PTPN4: variants seen among roughly 807,000 people sequenced by gnomAD.
PTPN4 encodes the protein tyrosine-protein phosphatase non-receptor type 4.
In PTPN4, 49 loss-of-function variants were observed where a neutral mutation model predicts 135.5. The observed-to-expected ratio is 0.36, with a 90% CI of 0.29 to 0.46. The LOEUF (loss-of-function observed/expected upper bound fraction) is 0.46. PTPN4 is among the 20% of genes least tolerant of loss of function. The probability of loss-of-function intolerance (pLI) is 1.00; values close to 1 mark genes in which losing one functional copy is unlikely to be tolerated. For synonymous variants in PTPN4, 333 were observed against 369.9 expected (o/e 0.90, Z 1.14); for missense variants, 860 against 1,101.0 (o/e 0.78, Z 3.10).
intron 26 of PTPN4, among the ~76,000 whole-genome samples, chr2:119,976,379 C>T (rs1047323543): frequency 6.6e-6 from 1 of 151,774 alleles, no homozygotes; most frequent in African/African-American, 2.4e-5. Flanking sequence ...TATTTTCTTC[C>T]CTTTCTTTTA....
intron 11 of PTPN4, 48 bp from the exon 12 acceptor site, chr2:119,920,016 CATTAG>C (rs1678714185): frequency 6.5e-7 from 1 of 1,547,078 alleles, no homozygotes; most frequent in African/African-American, 1.4e-5. Context: ...TTAAATGGAG[CATTAG>C]ATCCTGACAT....
chr2:119,782,430 G>GA (rs200162890), intron 1 of PTPN4, among the ~76,000 whole-genome samples: 23 of 150,700 alleles, frequency 1.5e-4, no homozygotes, highest in Non-Finnish European at 2.8e-4. Context: ...AAAACGAAAA[G>GA]AAAAAAAAAT....
At position 119,887,789 on chromosome 2, in the gene PTPN4, A is replaced by G. The variant is rs1678181173; in HGVS notation, c.675+1907A>G. The stretch of plus-strand genomic sequence containing the variant: ...GTTTTGGTTACTGTAGCCTTGTAAT[A>G]TATTTTGACATCAGGTAATTTGATG... On this transcript the variant is annotated intron_variant, in intron 9 of 26. Coordinates refer to ENST00000263708, the MANE Select transcript of PTPN4 (RefSeq NM_002830.4). Among the ~76,000 whole-genome samples, 3 of 152,074 alleles carry G rather than the reference A, an allele frequency of 2.0e-5. No homozygotes were observed. In the South Asian group the frequency reaches 6.2e-4, roughly 32 times the overall value.
chr2:119,935,232 G>T, intron 15 of PTPN4: 1 of 319,754 alleles, frequency 3.1e-6, no homozygotes, highest in Non-Finnish European at 5.6e-6. Flanking sequence ...GTAGCACTCT[G>T]GTCAAGGAGG....
intron 13 of PTPN4, among the ~76,000 whole-genome samples, chr2:119,928,400 C>T (rs1013567272): frequency 2.0e-5 from 3 of 152,054 alleles, no homozygotes; most frequent in African/African-American, 4.8e-5. Context: ...TAGTTTATTA[C>T]ATTATGAATT....
At chr2:119,845,208 GCT>G (rs1277277272) in intron 2 of PTPN4, among the ~76,000 whole-genome samples, 1 of 137,454 alleles carries the variant, frequency 7.3e-6, no homozygotes, top group Non-Finnish European at 1.6e-5. Flanking sequence ...TCCAGCTTCG[GCT>G]CCGCATGAGA....
chr2:119,894,677 T>C (rs1678291571), intron 9 of PTPN4, among the ~76,000 whole-genome samples: 1 of 152,152 alleles, frequency 6.6e-6, no homozygotes, highest in African/African-American at 2.4e-5. Flanking sequence ...TTTCAACATA[T>C]GTTACAGAAA....
chr2:119,956,841 T>TTTGTA lies in PTPN4; in HGVS notation c.1981-3_1981-2insTTGTA. On this transcript the variant is annotated splice_region_variant and splice_polypyrimidine_tract_variant and intron_variant, in intron 20 of 26. Coordinates refer to ENST00000263708, the MANE Select transcript of PTPN4 (RefSeq NM_002830.4). ...GAATTGTACCTTTTTTTTTTTTTTT[T>TTTGTA]AGCAACTGTATCGGAAAAAACCTGG... is the stretch of plus-strand genomic sequence containing the variant. 2 of 1,578,868 alleles carry TTTGTA rather than the reference T, an allele frequency of 1.3e-6. No homozygotes were observed. The highest frequency in any genetic ancestry group is 2.2e-5 in the East Asian group (1 of 44,568).
chr2:119,825,610 C>T (rs1036174816), intron 2 of PTPN4, among the ~76,000 whole-genome samples: 10 of 151,864 alleles, frequency 6.6e-5, no homozygotes, highest in African/African-American at 1.2e-4. Context: ...ATTCTCCTGC[C>T]TCAGCCTCCC....
chr2:119,844,737 C>T (rs1487004800), intron 2 of PTPN4, among the ~76,000 whole-genome samples: 6 of 145,466 alleles, frequency 4.1e-5, no homozygotes, highest in East Asian at 4.1e-4. Context: ...GATGGGATGG[C>T]GGCCGGGCGG....
rs1553430617 is a variant in PTPN4 at position 119,765,933 on chromosome 2, T to TGTGTGC, written c.-18+5550_-18+5551insTGTGCG. Among the ~76,000 whole-genome samples the TGTGTGC allele has an allele frequency of 2.7e-3, 401 of 151,144 alleles. 1 individual carries two copies. Among genetic ancestry groups the TGTGTGC allele is most frequent in the South Asian group, 3.6e-3 (17 of 4,736 alleles). On this transcript the variant is annotated intron_variant, in intron 1 of 26. Transcript: ENST00000263708. ...GTGAATCTGTGTGTGTGTGTGTGTGTGCGCGCGCGCATGTGCGTTGATTGC... is the reference window on the plus strand; with the variant it reads ...GTGAATCTGTGTGTGTGTGTGTGTGTGTGTGCGCGCGCGCGCATGTGCGTTGATTGC...
At chr2:119,804,279 A>T (rs1190340499) in intron 1 of PTPN4, among the ~76,000 whole-genome samples, 1 of 147,684 alleles carries the variant, frequency 6.8e-6, no homozygotes, top group Non-Finnish European at 1.5e-5. Flanking sequence ...TGCTCAGCTA[A>T]TTTTTTTTTT....
At chr2:119,785,823 A>G (rs922445523) in intron 1 of PTPN4, among the ~76,000 whole-genome samples, 2 of 152,120 alleles carry the variant, frequency 1.3e-5, no homozygotes, top group Non-Finnish European at 2.9e-5. Flanking sequence ...AGAGACAGGG[A>G]GAGAGCAATC....
chr2:119,765,029 G>A (rs1242657290), intron 1 of PTPN4, among the ~76,000 whole-genome samples: 1 of 152,104 alleles, frequency 6.6e-6, no homozygotes, highest in South Asian at 2.1e-4. Flanking sequence ...CAAACTGTCT[G>A]ATTTCTGAGT....
chr2:119,976,276 C>T (rs959448376), intron 26 of PTPN4, among the ~76,000 whole-genome samples: 2 of 152,110 alleles, frequency 1.3e-5, no homozygotes, highest in African/African-American at 2.4e-5. Flanking sequence ...GGATTACAGG[C>T]GTGAGCCACC....
intron 2 of PTPN4, among the ~76,000 whole-genome samples, chr2:119,841,079 G>A (rs186808632): frequency 1.5e-4 from 23 of 151,726 alleles, no homozygotes; most frequent in Admixed American, 8.5e-4. Flanking sequence ...GCTGTGCAGA[G>A]CTCTTTAGTT....
chr2:119,765,888 G>A (rs1394261519), intron 1 of PTPN4, among the ~76,000 whole-genome samples: 1 of 150,480 alleles, frequency 6.6e-6, no homozygotes, highest in Non-Finnish European at 1.5e-5. Context: ...CTGGGTGGGT[G>A]TGGTTGTCTG....
chr2:119,957,294 G>A (rs550141715), intron 22 of PTPN4, among the ~76,000 whole-genome samples: 3 of 152,268 alleles, frequency 2.0e-5, no homozygotes, highest in African/African-American at 7.2e-5. Flanking sequence ...AATAGACTTA[G>A]ATACTAGAAT....
At chr2:119,970,980 A>G (rs1450021287) in intron 26 of PTPN4, among the ~76,000 whole-genome samples, 1 of 152,134 alleles carries the variant, frequency 6.6e-6, no homozygotes, top group Non-Finnish European at 1.5e-5. Flanking sequence ...TATTTTAGCC[A>G]TCCTGCTGGG....
Sources: gnomAD v4.1 joint callset for allele counts (sites outside exome capture counted in the v4.1 genomes callset) on GRCh38, gnomAD v4.1.1 for gene constraint, MANE v1.5 for transcripts, NCBI Gene and HGNC (gene_info 2026-07-23, HGNC 2026-07-21) for gene names.